Variants in GPC1 observed in about 807,000 individuals in gnomAD.
GPC1 encodes glypican 1.
In GPC1, 26 loss-of-function variants were observed where a neutral mutation model predicts 51.5. The ratio of observed to expected loss-of-function variants is 0.50; its 90% CI spans 0.37 to 0.70. The LOEUF (loss-of-function observed/expected upper bound fraction) is 0.70, where lower values mean the gene tolerates loss of function less well. GPC1 is among the 30% of genes least tolerant of loss of function. The pLI, the probability that GPC1 is intolerant of heterozygous loss-of-function variation, is 0.00. For synonymous variants in GPC1, 380 were observed against 348.3 expected (o/e 1.09, Z -1.01); for missense variants, 775 against 800.5 (o/e 0.97, Z 0.38).
chr2:240,460,074 G>A (rs984722044), intron 2 of GPC1, among the ~76,000 whole-genome samples: 17 of 152,176 alleles, frequency 1.1e-4, no homozygotes, highest in African/African-American at 2.4e-4. Flanking sequence ...CTGCTTCTCC[G>A]GCTCCTGGAC....
intron 2 of GPC1, among the ~76,000 whole-genome samples, chr2:240,461,757 G>A (rs1470258524): frequency 6.6e-6 from 1 of 152,128 alleles, no homozygotes; most frequent in Non-Finnish European, 1.5e-5. Flanking sequence ...GCCACGGGGA[G>A]CACAAGTGGG....
At position 240,464,757 on chromosome 2, in the gene GPC1, G is replaced by C. The variant is rs776345282; in HGVS notation, c.1014+11G>C. 15 of 1,602,188 alleles carry C rather than the reference G, an allele frequency of 9.4e-6. No homozygotes were observed. In the South Asian group the frequency reaches 1.7e-4, roughly 18 times the overall value. ...ACGCTCACGGCCAAGGTGCGGGCAGGAGGACGTGACGAGCACAGCGGGGTG... is the reference window on the plus strand; with the variant it reads ...ACGCTCACGGCCAAGGTGCGGGCAGCAGGACGTGACGAGCACAGCGGGGTG... On this transcript the variant is annotated intron_variant, in intron 5 of 8. Transcript: ENST00000264039.
intron 1 of GPC1, among the ~76,000 whole-genome samples, chr2:240,453,463 G>A (rs2074124283): frequency 7.4e-6 from 1 of 134,532 alleles, no homozygotes; most frequent in African/African-American, 2.8e-5. Flanking sequence ...CTCCCGCATC[G>A]CCTGCCGCCG....
chr2:240,444,435 G>A (rs572441350), intron 1 of GPC1, among the ~76,000 whole-genome samples: 6 of 152,158 alleles, frequency 3.9e-5, no homozygotes, highest in Non-Finnish European at 7.4e-5. Context: ...GTCCTCACCC[G>A]CTGGTCCATC....
chr2:240,438,727 C>T (rs1400486454), intron 1 of GPC1, among the ~76,000 whole-genome samples: 1 of 152,212 alleles, frequency 6.6e-6, no homozygotes, highest in African/African-American at 2.4e-5. Flanking sequence ...GGAGACTTAG[C>T]TCATGAAAGA....
At chr2:240,440,284 C>T (rs2074009782) in intron 1 of GPC1, among the ~76,000 whole-genome samples, 1 of 152,230 alleles carries the variant, frequency 6.6e-6, no homozygotes, top group African/African-American at 2.4e-5. Flanking sequence ...TTTCCCATGA[C>T]TGTCTGGTTA....
At chr2:240,459,455 T>G (rs1261598888) in intron 2 of GPC1, among the ~76,000 whole-genome samples, 5 of 152,102 alleles carry the variant, frequency 3.3e-5, no homozygotes, top group Non-Finnish European at 5.9e-5. Flanking sequence ...AGAGGGCCTA[T>G]CCCATCAGCC....
chr2:240,456,507 C>T (rs2074165578), intron 1 of GPC1: 13 of 436,752 alleles, frequency 3.0e-5, no homozygotes, highest in South Asian at 2.0e-4. Context: ...CCCATCTCAG[C>T]TGAGCCCAGG....
chr2:240,447,144 C>G (rs1410700793), intron 1 of GPC1, among the ~76,000 whole-genome samples: 1 of 152,062 alleles, frequency 6.6e-6, no homozygotes. Flanking sequence ...GCTTGGTAGG[C>G]AGGGTCTGAG....
chr2:240,458,249 C>T (rs2074186803), intron 1 of GPC1: 1 of 349,344 alleles, frequency 2.9e-6, no homozygotes, highest in Non-Finnish European at 6.1e-6. Flanking sequence ...GAGGTGTGCA[C>T]AGCAGGGCTG....
intron 1 of GPC1, among the ~76,000 whole-genome samples, chr2:240,444,326 C>T (rs1394837225): frequency 1.3e-5 from 2 of 152,222 alleles, no homozygotes; most frequent in Non-Finnish European, 2.9e-5. Context: ...GCTCTCGCCC[C>T]ACAGAAGTTC....
In GPC1 at chr2:240,465,326, A is replaced by T. The variant is rs568212497; in HGVS notation, c.1268+116A>T. On this transcript the variant is annotated intron_variant, in intron 7 of 8. Transcript: ENST00000264039. ...TCCCTTGCTGGAGGGCTTGAGCCCCACTTCTCTGCGGCCTGTGTGGGCTCT... is the reference window on the plus strand; with the variant it reads ...TCCCTTGCTGGAGGGCTTGAGCCCCTCTTCTCTGCGGCCTGTGTGGGCTCT... 17 of 1,366,562 alleles carry T rather than the reference A, an allele frequency of 1.2e-5. No homozygotes were observed. In the African/African-American group the frequency reaches 2.3e-4, roughly 18 times the overall value. 84.7% of individuals were successfully genotyped at this position (1,366,562 alleles called of 1,614,324 possible).
Position 240,458,931 on chromosome 2 carries a change from A to G in GPC1, c.167-99A>G. The stretch of plus-strand genomic sequence containing the variant: ...CTGGCCCACCCCTGAGCTGTGCTCC[A>G]CCCTGGGTCTGCCATCCTGCCCAGG... On this transcript the variant is annotated intron_variant, in intron 1 of 8. Coordinates refer to ENST00000264039, the MANE Select transcript of GPC1 (RefSeq NM_002081.3). 4.4e-6 allele frequency: 5 copies of G among 1,146,002 alleles called. No individual in the cohort carries two copies. In the South Asian group the frequency reaches 7.2e-5, roughly 17 times the overall value. 71.0% of individuals were successfully genotyped at this position (1,146,002 alleles called of 1,614,324 possible). A position where few individuals can be genotyped will look rare whatever the true frequency, so the allele number is the denominator to read the frequency against.
intron 1 of GPC1, among the ~76,000 whole-genome samples, chr2:240,440,223 C>T (rs2074009311): frequency 6.6e-6 from 1 of 152,248 alleles, no homozygotes; most frequent in African/African-American, 2.4e-5. Context: ...CCTAAGAGCA[C>T]TCATGAACCC....
At chr2:240,461,636 GAA>G (rs1047571727) in intron 2 of GPC1, among the ~76,000 whole-genome samples, 6 of 152,166 alleles carry the variant, frequency 3.9e-5, no homozygotes, top group African/African-American at 1.4e-4. Context: ...GCTCACAGCT[GAA>G]GCTTCTAAAT....
intron 4 of GPC1, chr2:240,464,386 GT>G: frequency 3.6e-6 from 2 of 550,608 alleles, no homozygotes; most frequent in Non-Finnish European, 6.6e-6. Context: ...GTATGTGCGT[GT>G]TCACCTGTGC....
At position 240,467,683 on chromosome 2, in the gene GPC1, G is replaced by A. The variant is rs765885651; in HGVS notation, c.*1393G>A. On this transcript the variant is annotated 3_prime_UTR_variant, in exon 9 of 9. Coordinates refer to ENST00000264039, the MANE Select transcript of GPC1 (RefSeq NM_002081.3). Reference sequence around the variant, plus strand: ...TAGTGCTGCTTTGCTTTTCATCACCGTCCCGCACAGTGGACGGAGGTCCCC... The same window carrying A: ...TAGTGCTGCTTTGCTTTTCATCACCATCCCGCACAGTGGACGGAGGTCCCC... 2.0e-5 allele frequency: 3 copies of A among 152,354 alleles called. No homozygotes were observed. The highest frequency in any genetic ancestry group is 1.3e-4 in the Admixed American group (2 of 15,292). The allele number at this position is 152,354 out of a possible 1,614,324, so 9.4% of individuals were successfully genotyped here.
At position 240,451,293 on chromosome 2, in the gene GPC1, G is replaced by A. The variant is rs1362276016; in HGVS notation, c.167-7737G>A. On this transcript the variant is annotated intron_variant, in intron 1 of 8. Coordinates refer to ENST00000264039, the MANE Select transcript of GPC1 (RefSeq NM_002081.3). ...GCGCGGCGTCTTTGTGGACTGGAAT[G>A]TGGCTGCTGCGTCCCCTTCTGCGTT... 3 of 470,338 alleles carry A rather than the reference G, an allele frequency of 6.4e-6. No homozygotes were observed. The East Asian group carries it at 2.1e-4, about 33-fold the overall frequency. The allele number at this position is 470,338 out of a possible 1,614,324, so 29.1% of individuals were successfully genotyped here.
chr2:240,463,354 T>TG lies in GPC1; in HGVS notation c.728dup (p.Glu245GlyfsTer26). 6.2e-7 allele frequency: 1 copy of TG among 1,612,512 alleles called. No individual in the cohort carries two copies. Among genetic ancestry groups the TG allele is most frequent in the Non-Finnish European group, 8.5e-7 (1 of 1,179,750 alleles). On this transcript the variant is annotated frameshift_variant, in exon 4 of 9. Coordinates refer to ENST00000264039, the MANE Select transcript of GPC1 (RefSeq NM_002081.3). LOFTEE classifies it high-confidence loss of function. ...GGGTCCCTTGCTCCCCAGGTCCCCC[T>TG]GGGCCCGGAGTGCTCGAGAGCTGTC... is the stretch of plus-strand genomic sequence containing the variant.
Sources: allele counts gnomAD v4.1 joint callset (sites outside exome capture counted in the v4.1 genomes callset), GRCh38; gene constraint gnomAD v4.1.1; transcripts MANE v1.5; gene names NCBI Gene and HGNC (gene_info 2026-07-23, HGNC 2026-07-21).